PHACTR2: variants seen among roughly 807,000 people sequenced by gnomAD.
The protein encoded by PHACTR2 is phosphatase and actin regulator 2.
In PHACTR2, 30 loss-of-function variants were observed where a neutral mutation model predicts 76.0. The observed-to-expected ratio is 0.39, with a 90% CI of 0.30 to 0.54. PHACTR2 has a LOEUF of 0.54. Ranked by LOEUF, PHACTR2 falls within the 20% of genes least tolerant of loss-of-function variation. The pLI, the probability that PHACTR2 is intolerant of heterozygous loss-of-function variation, is 0.61. For synonymous variants in PHACTR2, 292 were observed against 292.5 expected (o/e 1.00, Z 0.02); for missense variants, 696 against 781.1 (o/e 0.89, Z 1.30).
At chr6:143,734,256 T>C (rs1778769459) in intron 2 of PHACTR2, among the ~76,000 whole-genome samples, 1 of 152,252 alleles carries the variant, frequency 6.6e-6, no homozygotes, top group African/African-American at 2.4e-5. Context: ...ATAGCCCAGC[T>C]GCACAATAAA....
chr6:143,754,356 G>T lies in PHACTR2; in HGVS notation c.454+444G>T, dbSNP rs1167360854. On this transcript the variant is annotated intron_variant, in intron 4 of 12. Coordinates refer to ENST00000440869, the MANE Select transcript of PHACTR2 (RefSeq NM_001100164.2). The surrounding 1 kb of genome is among the most constrained non-coding windows in gnomAD (Gnocchi z 6.2). ...TCAGCCCAGCACTGTCTCCAGCAGT[G>T]GGAACTTGGCAGGTGGCATCCACAT... Among the ~76,000 whole-genome samples the T allele has an allele frequency of 6.6e-6, 1 of 152,130 alleles. No homozygotes were observed. The highest frequency in any genetic ancestry group is 2.4e-5 in the African/African-American group (1 of 41,406).
rs1775697698 is a variant in PHACTR2 at position 143,791,764 on chromosome 6, A to G, written c.1845+2854A>G. On this transcript the variant is annotated intron_variant, in intron 11 of 12. Coordinates refer to ENST00000440869, the MANE Select transcript of PHACTR2 (RefSeq NM_001100164.2). The surrounding 1 kb of genome is among the most constrained non-coding windows in gnomAD (Gnocchi z 4.7). ...TATTGTGAGGTGTATCATTAGATAT[A>G]TATGTTTAGAATGCATACATTTTCT... 6.6e-6 allele frequency among the ~76,000 whole-genome samples: 1 copy of G among 151,946 alleles called. No homozygotes were observed. The highest frequency in any genetic ancestry group is 1.5e-5 in the Non-Finnish European group (1 of 68,014).
At chr6:143,674,521 C>T (rs952461950), upstream of PHACTR2, among the ~76,000 whole-genome samples, 5 of 152,050 alleles carry the variant, frequency 3.3e-5, no homozygotes, top group African/African-American at 1.2e-4. This position sits in a 1 kb window ranked among gnomAD's most constrained non-coding sequence, Gnocchi z 4.9. Context: ...TTAATGTAAT[C>T]TTCATCTGCT....
At position 143,806,950 on chromosome 6, in the gene PHACTR2, CTA is replaced by C; in HGVS notation, c.1846-105_1846-104del. ...CCAGCTTGGATGACAGAGCGAGACT[CTA>C]TCTCTTAAAAAAAAAAAAAAGGTCT... On this transcript the variant is annotated intron_variant, in intron 11 of 12. Transcript: ENST00000440869. The surrounding 1 kb of genome is among the most constrained non-coding windows in gnomAD (Gnocchi z 5.8). 1 of 590,486 alleles carries C rather than the reference CTA, an allele frequency of 1.7e-6. No homozygotes were observed. The highest frequency in any genetic ancestry group is 3.4e-5 in the Admixed American group (1 of 29,098). 36.6% of individuals were successfully genotyped at this position (590,486 alleles called of 1,614,324 possible).
Position 143,712,049 on chromosome 6 carries a change from C to G in PHACTR2, c.80C>G (p.Ser27Ter). The change falls in exon 2 of 13, where the codon TCA becomes TGA. Residue 27 changes from serine (S) to a stop codon, truncating the protein, a stop_gained. Transcript: ENST00000440869. LOFTEE classifies it high-confidence loss of function. Reference sequence around the variant, plus strand: ...CTGGACAAAGCTTCTATAGCAAACTCAGATGGCCCCACAGCAGGTTCCCAA... The same window carrying G: ...CTGGACAAAGCTTCTATAGCAAACTGAGATGGCCCCACAGCAGGTTCCCAA... ...DGLDKASIAN[S>*]DGPTAGSQTP... 6.3e-7 allele frequency: 1 copy of G among 1,593,066 alleles called. No individual in the cohort carries two copies. Among genetic ancestry groups the G allele is most frequent in the Non-Finnish European group, 8.5e-7 (1 of 1,172,296 alleles).
At chr6:143,792,104 TG>T (rs1268505197) in intron 11 of PHACTR2, among the ~76,000 whole-genome samples, 6 of 152,186 alleles carry the variant, frequency 3.9e-5, no homozygotes, top group Non-Finnish European at 7.3e-5. Context: ...GTGTGTCTTC[TG>T]TATTTCACCA....
At position 143,608,721 on chromosome 6, in the gene PHACTR2, T is replaced by G. The variant is rs181489922; in HGVS notation, c.13+399T>G. 6.6e-6 allele frequency among the ~76,000 whole-genome samples: 1 copy of G among 152,226 alleles called. No individual in the cohort carries two copies. The highest frequency in any genetic ancestry group is 2.4e-5 in the African/African-American group (1 of 41,454). On this transcript the variant is annotated intron_variant, in intron 1 of 11. Coordinates refer to the PHACTR2 transcript ENST00000305766. This position sits in a 1 kb window ranked among gnomAD's most constrained non-coding sequence, Gnocchi z 4.6. ...AAAATTCTGTGTAAATATTACAATA[T>G]GCACAGTGTAACAGCATAAGAGCTC...
rs984847190 is a variant in PHACTR2, at chr6:143,641,343, A to G, written c.13+33021A>G. On this transcript the variant is annotated intron_variant, in intron 1 of 11. Coordinates refer to the PHACTR2 transcript ENST00000305766. The surrounding 1 kb of genome is among the most constrained non-coding windows in gnomAD (Gnocchi z 5.8). ...AGGCAGAGATTGGAATGGTATAGCC[A>G]TAAGTCAAGGAATGCCTGGAGCTTC... Among the ~76,000 whole-genome samples, 4 of 152,322 alleles carry G rather than the reference A, an allele frequency of 2.6e-5. No individual in the cohort carries two copies. The highest frequency in any genetic ancestry group is 3.4e-3 in the Middle Eastern group (1 of 294).
At position 143,672,810 on chromosome 6, in the gene PHACTR2, C is replaced by T. The variant is rs1057496849; in HGVS notation, c.14-39206C>T. Among the ~76,000 whole-genome samples, 11 of 152,184 alleles carry T rather than the reference C, an allele frequency of 7.2e-5. No homozygotes were observed. The highest frequency in any genetic ancestry group is 3.4e-3 in the Middle Eastern group (1 of 294). The stretch of plus-strand genomic sequence containing the variant: ...CTCAACCTCAGCTCATTGCAACCTC[C>T]GCCTCCCAGGTTCAAGTGATTCTCC... On this transcript the variant is annotated intron_variant, in intron 1 of 11. Transcript: ENST00000305766. The surrounding 1 kb of genome is among the most constrained non-coding windows in gnomAD (Gnocchi z 5.8).
chr6:143,772,344 C>T lies in PHACTR2; in HGVS notation c.1319C>T (p.Ala440Val), dbSNP rs777928424. The change falls in exon 7 of 13, where the codon GCC becomes GTC. Residue 440 changes from alanine (A) to valine (V), a missense_variant. By Grantham distance (64) the Ala-to-Val change is moderately conservative. Coordinates refer to ENST00000440869, the MANE Select transcript of PHACTR2 (RefSeq NM_001100164.2). This position sits in a 1 kb window ranked among gnomAD's most constrained non-coding sequence, Gnocchi z 5.4. ...GGCGAATCTTCAGAATCCTTTAGTG[C>T]CTCAGAAGATGAAGGCCACAGGGAA... ...LMGESSESFSASEDEGHREYQ... is the reference protein window; with the variant it reads ...LMGESSESFSVSEDEGHREYQ... 1.0e-4 allele frequency: 162 copies of T among 1,613,078 alleles called. No homozygotes were observed. The highest frequency in any genetic ancestry group is 1.6e-4 in the Middle Eastern group (1 of 6,082).
chr6:143,790,228 A>T (rs999940811), intron 11 of PHACTR2, among the ~76,000 whole-genome samples: 1 of 152,144 alleles, frequency 6.6e-6, no homozygotes, highest in South Asian at 2.1e-4. Context: ...TGGGTGCGTA[A>T]ATTTGGAAAA....
In PHACTR2 at chr6:143,822,183, T is replaced by C. The variant is rs1776435533; in HGVS notation, c.1923-1491T>C. On this transcript the variant is annotated intron_variant, in intron 12 of 12. Coordinates refer to ENST00000440869, the MANE Select transcript of PHACTR2 (RefSeq NM_001100164.2). The surrounding 1 kb of genome is among the most constrained non-coding windows in gnomAD (Gnocchi z 5.5). Reference sequence around the variant, plus strand: ...ACTCCAGGAACTTTAAATTTTATTTTGTTGGCTTTCTTATTTTAATTTTGT... The same window carrying C: ...ACTCCAGGAACTTTAAATTTTATTTCGTTGGCTTTCTTATTTTAATTTTGT... 6.6e-6 allele frequency among the ~76,000 whole-genome samples: 1 copy of C among 152,182 alleles called. No homozygotes were observed.
intron 1 of PHACTR2, among the ~76,000 whole-genome samples, chr6:143,644,239 G>A (rs192256800): frequency 4.2e-4 from 64 of 152,110 alleles, no homozygotes; most frequent in Non-Finnish European, 7.6e-4. Flanking sequence ...AGGCTAAGGC[G>A]GGTGGAACAC....
chr6:143,749,736 A>T (rs1447067312), intron 3 of PHACTR2, among the ~76,000 whole-genome samples: 2 of 152,164 alleles, frequency 1.3e-5, no homozygotes, highest in Admixed American at 6.5e-5. Flanking sequence ...AAAGACAAGG[A>T]TCAGATAGAA....
rs1020433990 is a variant in PHACTR2, at chr6:143,549,237, T to C, written c.217+12030T>C. Among the ~76,000 whole-genome samples the C allele has an allele frequency of 6.6e-6, 1 of 152,164 alleles. No homozygotes were observed. The highest frequency in any genetic ancestry group is 1.9e-4 in the East Asian group (1 of 5,184). ...TTAATAGTGGGCCTCACATGGCAGA[T>C]CAGGCCTAGGTCTCTTCCCAAATGG... is the stretch of plus-strand genomic sequence containing the variant. On this transcript the variant is annotated intron_variant, in intron 1 of 11. Transcript: ENST00000367584. This position sits in a 1 kb window ranked among gnomAD's most constrained non-coding sequence, Gnocchi z 4.2.
rs1402777557 is a variant in PHACTR2 at position 143,793,234 on chromosome 6, A to C, written c.1845+4324A>C. 6.6e-6 allele frequency among the ~76,000 whole-genome samples: 1 copy of C among 152,140 alleles called. No homozygotes were observed. Among genetic ancestry groups the C allele is most frequent in the Non-Finnish European group, 1.5e-5 (1 of 68,036 alleles). ...CTCTTGTTCTTTTGTTGGAAGGTAA[A>C]GCTCATTCATCTCTAGCTGTAACAG... On this transcript the variant is annotated intron_variant, in intron 11 of 12. Coordinates refer to ENST00000440869, the MANE Select transcript of PHACTR2 (RefSeq NM_001100164.2). This position sits in a 1 kb window ranked among gnomAD's most constrained non-coding sequence, Gnocchi z 4.4.
rs1231448517 is a variant in PHACTR2, at chr6:143,539,181, A to G, written c.217+1974A>G. On this transcript the variant is annotated intron_variant, in intron 1 of 11. Coordinates refer to the PHACTR2 transcript ENST00000367584. The surrounding 1 kb of genome is among the most constrained non-coding windows in gnomAD (Gnocchi z 4.3). ...TACATCATGTGAACCATGGGCTCCAATTTATAAAATTATTTTACTTCTGAG... is the reference window on the plus strand; with the variant it reads ...TACATCATGTGAACCATGGGCTCCAGTTTATAAAATTATTTTACTTCTGAG... Among the ~76,000 whole-genome samples the G allele has an allele frequency of 6.6e-6, 1 of 152,238 alleles. No homozygotes were observed.
At position 143,756,072 on chromosome 6, in the gene PHACTR2, TG is replaced by T. The variant is rs573749639; in HGVS notation, c.454+2162del. Among the ~76,000 whole-genome samples, 912 of 152,242 alleles carry T rather than the reference TG, an allele frequency of 6.0e-3. 3 individuals are homozygous for T. The highest frequency in any genetic ancestry group is 0.01 in the Non-Finnish European group (695 of 67,998). ...ATTCAAGAGCATTCTGTCATCTATT[TG>T]GTTATATTTGCCAAACCATATCATC... On this transcript the variant is annotated intron_variant, in intron 4 of 12. Coordinates refer to ENST00000440869, the MANE Select transcript of PHACTR2 (RefSeq NM_001100164.2).
chr6:143,741,148 T>C (rs1261714246), intron 2 of PHACTR2, among the ~76,000 whole-genome samples: 12 of 148,094 alleles, frequency 8.1e-5, no homozygotes, highest in Admixed American at 7.4e-4. Context: ...CTCAGGAGGC[T>C]GAGGCAGGAG....
Sources: allele counts gnomAD v4.1 joint callset (sites outside exome capture counted in the v4.1 genomes callset), GRCh38; gene constraint gnomAD v4.1.1; non-coding constraint Gnocchi (gnomAD v3.1); transcripts MANE v1.5; gene names NCBI Gene and HGNC (gene_info 2026-07-23, HGNC 2026-07-21).